The following BLM variants were observed in gnomAD, a reference collection of about 807,000 sequenced individuals.
BLM encodes BLM RecQ like helicase, also known as recQ-like DNA helicase BLM.
In BLM, 95 loss-of-function variants were observed where a neutral mutation model predicts 135.3. That is an observed-to-expected ratio of 0.70 (90% CI 0.59 to 0.83). The LOEUF (loss-of-function observed/expected upper bound fraction) is 0.83. Ranked by LOEUF, BLM falls within the 40% of genes least tolerant of loss-of-function variation. BLM has a pLI of 0.00. For missense variants in BLM, 1,518 were observed against 1,663.9 expected, an observed-to-expected ratio of 0.91 and a Z score of 1.53; for synonymous variants, 520 against 589.2, an observed-to-expected ratio of 0.88 and a Z score of 1.70.
intron 4 of BLM, 122 bp from the exon 5 acceptor site, chr15:90,754,689 T>G (rs1330952611): frequency 4.4e-6 from 5 of 1,144,712 alleles, no homozygotes; most frequent in Non-Finnish European, 6.1e-6. Context: ...TTTAAAAAAC[T>G]ACTTCTCTTT....
intron 14 of BLM, among the ~76,000 whole-genome samples, chr15:90,788,477 T>TTTTTTTTTTTTTTTTG (rs1896812264): frequency 6.7e-6 from 1 of 148,512 alleles, no homozygotes; most frequent in African/African-American, 2.5e-5. Context: ...TTTTGTTTTT[T>TTTTTTTTTTTTTTTTG]TTTTTTTTTT....
At position 90,760,715 on chromosome 15, in the gene BLM, A is replaced by G. The variant is rs755998510; in HGVS notation, c.1342A>G (p.Asn448Asp). 2 of 1,614,114 alleles carry G rather than the reference A, an allele frequency of 1.2e-6. No homozygotes were observed. The highest frequency in any genetic ancestry group is 1.7e-6 in the Non-Finnish European group (2 of 1,180,016). Residue 448 changes from asparagine (N) to aspartate (D), a missense_variant, in exon 7 of 22, where the codon AAT becomes GAT. Asn to Asp is a conservative substitution (Grantham distance 23, BLOSUM62 1). Coordinates refer to ENST00000355112, the MANE Select transcript of BLM (RefSeq NM_000057.4). ...GGAGGGTGATTCCTGCCCTACAGGG[A>G]ATTCTATGAAGGAGTTAAATTTTTC... The part of the protein sequence containing the change: ...PMEGDSCPTG[N>D]SMKELNFSHL...
Position 90,780,690 on chromosome 15 carries a change from C to G in BLM, c.2556-2132C>G, listed in dbSNP as rs560552192. Among the ~76,000 whole-genome samples the G allele has an allele frequency of 5.1e-4, 77 of 152,322 alleles. No individual in the cohort carries two copies. In the South Asian group the frequency reaches 9.9e-3, roughly 20 times the overall value. On this transcript the variant is annotated intron_variant, in intron 12 of 21. Transcript: ENST00000355112. ...AAAAGCAAGATTTGAATTTGCTGAGCACCAAGCGCTATGCTGTGTCCACAT... is the reference window on the plus strand; with the variant it reads ...AAAAGCAAGATTTGAATTTGCTGAGGACCAAGCGCTATGCTGTGTCCACAT...
chr15:90,760,846 A>G lies in BLM; in HGVS notation c.1473A>G (p.Leu491=). 6.2e-7 allele frequency: 1 copy of G among 1,614,104 alleles called. No individual in the cohort carries two copies. Among genetic ancestry groups the G allele is most frequent in the Non-Finnish European group, 8.5e-7 (1 of 1,180,028 alleles). The change falls in exon 7 of 22, where the codon TTA becomes TTG. Residue 491 remains leucine, a synonymous_variant. Coordinates refer to ENST00000355112, the MANE Select transcript of BLM (RefSeq NM_000057.4). ...ATRKNLFERP[L]FNTHLQKSFV... Reference sequence around the variant, plus strand: ...GGAAGAATCTTTTTGAAAGGCCTTTATTCAATACCCATTTACAGAAGTCCT... The same window carrying G: ...GGAAGAATCTTTTTGAAAGGCCTTTGTTCAATACCCATTTACAGAAGTCCT...
chr15:90,731,726 T>A (rs986902050), intron 1 of BLM, among the ~76,000 whole-genome samples: 1 of 152,152 alleles, frequency 6.6e-6, no homozygotes, highest in Non-Finnish European at 1.5e-5. Context: ...CGTCTTTCAA[T>A]CTCTTCTTTT....
chr15:90,725,390 G>T (rs1206769173), intron 1 of BLM, among the ~76,000 whole-genome samples: 2 of 151,872 alleles, frequency 1.3e-5, no homozygotes, highest in African/African-American at 4.8e-5. Context: ...TTTCCAATCT[G>T]GTATATTCAT....
At chr15:90,732,590 TAAA>T (rs77350149) in intron 1 of BLM, among the ~76,000 whole-genome samples, 1 of 136,770 alleles carries the variant, frequency 7.3e-6, no homozygotes, top group African/African-American at 2.6e-5. Context: ...ATCAGATTCT[TAAA>T]AAAAAAAAAA....
intron 5 of BLM, among the ~76,000 whole-genome samples, chr15:90,757,394 G>T (rs970600089): frequency 2.0e-5 from 3 of 152,152 alleles, no homozygotes; most frequent in African/African-American, 7.2e-5. Context: ...GCTAGTCTCT[G>T]ATAGCTAGGT....
chr15:90,782,933 G>A lies in BLM; in HGVS notation c.2662+5G>A. On this transcript the variant is annotated splice_donor_5th_base_variant and intron_variant, in intron 13 of 21. Transcript: ENST00000355112. ...GGATCAGAAAGCACCACCCATGTGA[G>A]TACAGCCATGTGATTAGCTGTCTAG... The A allele has an allele frequency of 6.3e-7, 1 of 1,591,944 alleles. No individual in the cohort carries two copies. The highest frequency in any genetic ancestry group is 8.6e-7 in the Non-Finnish European group (1 of 1,159,898).
At chr15:90,747,787 G>T (rs192349344) in intron 2 of BLM, 223 of 333,688 alleles carry the variant, frequency 6.7e-4, no homozygotes, top group African/African-American at 3.5e-3. Flanking sequence ...GTTTTGGGGG[G>T]TTTTTTTGTT....
At chr15:90,784,136 T>G (rs1367412525) in intron 13 of BLM, among the ~76,000 whole-genome samples, 1 of 152,132 alleles carries the variant, frequency 6.6e-6, no homozygotes, top group African/African-American at 2.4e-5. Context: ...CACAGTTCCC[T>G]GTATTTGTTT....
chr15:90,771,252 C>T (rs1271934626), intron 12 of BLM, among the ~76,000 whole-genome samples: 3 of 152,100 alleles, frequency 2.0e-5, no homozygotes, highest in African/African-American at 4.8e-5. Context: ...TTTGGGAGGC[C>T]GAGGCAGGTG....
chr15:90,811,440 A>T (rs927714440), intron 21 of BLM, 34 bp downstream of exon 21: 29 of 1,606,150 alleles, frequency 1.8e-5, no homozygotes, highest in Non-Finnish European at 2.4e-5. Context: ...AATATAGGGA[A>T]CAAGGGAAGA....
chr15:90,717,587 T>TC (rs1894640005), intron 1 of BLM, 147 bp downstream of exon 1: 1 of 152,262 alleles, frequency 6.6e-6, no homozygotes, highest in African/African-American at 2.4e-5. Context: ...CTGGCCAACA[T>TC]CCTGGGAGGA....
chr15:90,794,368 A>G lies in BLM; in HGVS notation c.3210+11A>G. The G allele has an allele frequency of 1.9e-6, 3 of 1,542,956 alleles. No individual in the cohort carries two copies. Among genetic ancestry groups the G allele is most frequent in the Non-Finnish European group, 2.6e-6 (3 of 1,145,716 alleles). On this transcript the variant is annotated intron_variant, in intron 16 of 21. Coordinates refer to ENST00000355112, the MANE Select transcript of BLM (RefSeq NM_000057.4). ...TGCTGTAAAACAAAGGTAAAAAAAGAAGTTTTAAAATTCTTTATAATTAAA... is the reference window on the plus strand; with the variant it reads ...TGCTGTAAAACAAAGGTAAAAAAAGGAGTTTTAAAATTCTTTATAATTAAA...
intron 15 of BLM, 34 bp downstream of exon 15, chr15:90,790,878 A>G (rs1372683960): frequency 3.2e-6 from 5 of 1,583,456 alleles, no homozygotes; most frequent in Non-Finnish European, 4.3e-6. Context: ...ACATTCTGTC[A>G]TCTTCAGCCT....
At chr15:90,750,349 G>A (rs1325987488) in intron 3 of BLM, among the ~76,000 whole-genome samples, 1 of 152,134 alleles carries the variant, frequency 6.6e-6, no homozygotes. Flanking sequence ...ATTCTCTGAG[G>A]TTTCAGTTAC....
intron 17 of BLM, among the ~76,000 whole-genome samples, chr15:90,802,140 C>G (rs899109417): frequency 1.3e-5 from 2 of 152,162 alleles, no homozygotes; most frequent in Non-Finnish European, 2.9e-5. Context: ...CTATCATTAG[C>G]AGAACGGTAG....
intron 6 of BLM, 113 bp downstream of exon 6, chr15:90,760,392 T>A: frequency 7.1e-7 from 1 of 1,411,592 alleles, no homozygotes; most frequent in Non-Finnish European, 1.0e-6. Context: ...GGCATAAGGA[T>A]GATCATCATG....
Sources: allele counts gnomAD v4.1 joint callset (sites outside exome capture counted in the v4.1 genomes callset), GRCh38; gene constraint gnomAD v4.1.1; transcripts MANE v1.5; gene names NCBI Gene and HGNC (gene_info 2026-07-23, HGNC 2026-07-21).